The following GABRG3 variants were observed in gnomAD, a reference collection of about 807,000 sequenced individuals.
GABRG3 encodes gamma-aminobutyric acid type A receptor subunit gamma3.
A neutral mutation model predicts 48.8 loss-of-function variants in GABRG3; 25 were observed. That is an observed-to-expected ratio of 0.51 (90% CI 0.37 to 0.72). The LOEUF (loss-of-function observed/expected upper bound fraction) is 0.72. Ranked by LOEUF, GABRG3 falls within the 30% of genes least tolerant of loss-of-function variation. GABRG3 has a pLI of 0.00. For missense variants in GABRG3, 394 were observed against 577.9 expected (o/e 0.68, Z 3.26); for synonymous variants, 227 against 217.6 (o/e 1.04, Z -0.38).
rs112457574 is a variant in GABRG3, at chr15:27,390,442, T to C, written c.574+61554T>C. The stretch of plus-strand genomic sequence containing the variant: ...ATAATTTTTGTCTGTTTTGATGAAA[T>C]ACACAAGAACTTATCAGAATATTAT... On this transcript the variant is annotated intron_variant, in intron 5 of 9. Coordinates refer to ENST00000615808, the MANE Select transcript of GABRG3 (RefSeq NM_033223.5). Among the ~76,000 whole-genome samples the C allele has an allele frequency of 4.2e-3, 634 of 152,310 alleles. 3 individuals are homozygous for C. Among genetic ancestry groups the C allele is most frequent in the African/African-American group, 0.014 (600 of 41,568 alleles).
intron 3 of GABRG3, among the ~76,000 whole-genome samples, chr15:27,201,539 A>T (rs1888683871): frequency 6.6e-6 from 1 of 151,972 alleles, no homozygotes; most frequent in Non-Finnish European, 1.5e-5. Flanking sequence ...TGAGCTGAGG[A>T]GAAGCAGCAG....
intron 5 of GABRG3, among the ~76,000 whole-genome samples, chr15:27,475,555 G>T (rs540379065): frequency 6.6e-6 from 1 of 151,980 alleles, no homozygotes; most frequent in South Asian, 2.1e-4. Flanking sequence ...GATGATGATG[G>T]TATGATGATA....
At chr15:27,101,565 G>A (rs1897357789) in intron 3 of GABRG3, among the ~76,000 whole-genome samples, 1 of 152,184 alleles carries the variant, frequency 6.6e-6, no homozygotes, top group African/African-American at 2.4e-5. Context: ...AATCAAGACA[G>A]TGTGGTATGG....
rs1891502658 is a variant in GABRG3, at chr15:27,534,375, G to C, written c.*1494G>C. Reference sequence around the variant, plus strand: ...TTTTATAATACAAAACCAACTTGCTGCTTGCTGTTAGTTCTTTGTTATAAC... The same window carrying C: ...TTTTATAATACAAAACCAACTTGCTCCTTGCTGTTAGTTCTTTGTTATAAC... On this transcript the variant is annotated 3_prime_UTR_variant, in exon 10 of 10. Transcript: ENST00000615808. 6.6e-6 allele frequency: 1 copy of C among 152,098 alleles called. No individual in the cohort carries two copies. Among genetic ancestry groups the C allele is most frequent in the Non-Finnish European group, 1.5e-5 (1 of 68,020 alleles). The allele number at this position is 152,098 out of a possible 1,614,324, so 9.4% of individuals were successfully genotyped here.
chr15:27,425,541 G>T (rs1473782594), intron 5 of GABRG3, among the ~76,000 whole-genome samples: 1 of 151,936 alleles, frequency 6.6e-6, no homozygotes, highest in African/African-American at 2.4e-5. Context: ...AACCCTGGAG[G>T]CAGAGCTTGC....
intron 3 of GABRG3, among the ~76,000 whole-genome samples, chr15:27,205,990 A>G (rs999014358): frequency 9.2e-5 from 14 of 151,946 alleles, no homozygotes; most frequent in Non-Finnish European, 1.0e-4. Flanking sequence ...TTGTCTGTCA[A>G]TGTTACTTAT....
intron 3 of GABRG3, among the ~76,000 whole-genome samples, chr15:27,282,058 C>T (rs549134845): frequency 1.3e-5 from 2 of 152,252 alleles, no homozygotes; most frequent in Admixed American, 6.5e-5. Flanking sequence ...CCTTTTCCTT[C>T]TGGCCTTCGT....
In GABRG3 at chr15:27,047,753, C is replaced by T. The variant is rs367930064; in HGVS notation, c.270+20932C>T. The stretch of plus-strand genomic sequence containing the variant: ...ATTGTCTTTGCTATTGGGCTGCTGC[C>T]GACTTTGCAGATCTGGGAGAGGCAG... On this transcript the variant is annotated intron_variant, in intron 3 of 9. Coordinates refer to ENST00000615808, the MANE Select transcript of GABRG3 (RefSeq NM_033223.5). Among the ~76,000 whole-genome samples the T allele has an allele frequency of 1.3e-4, 20 of 152,244 alleles. No homozygotes were observed. In the South Asian group the frequency reaches 1.5e-3, roughly 11 times the overall value.
intron 2 of GABRG3, among the ~76,000 whole-genome samples, chr15:27,008,429 A>G (rs544398748): frequency 6.6e-6 from 1 of 152,286 alleles, no homozygotes; most frequent in Middle Eastern, 3.4e-3. Flanking sequence ...TTTCACTCCA[A>G]AAATAGATGA....
chr15:27,331,736 G>A (rs1893809326), intron 5 of GABRG3, among the ~76,000 whole-genome samples: 1 of 152,162 alleles, frequency 6.6e-6, no homozygotes, highest in African/African-American at 2.4e-5. Context: ...GTCAACCTAG[G>A]TTCATTGATG....
intron 3 of GABRG3, among the ~76,000 whole-genome samples, chr15:27,255,207 G>T (rs954683282): frequency 7.2e-5 from 11 of 152,178 alleles, no homozygotes; most frequent in Admixed American, 7.2e-4. Flanking sequence ...GCAAACCTGG[G>T]GTGGCGGGAG....
chr15:27,102,433 G>T (rs1022733772), intron 3 of GABRG3, among the ~76,000 whole-genome samples: 3 of 151,982 alleles, frequency 2.0e-5, no homozygotes, highest in Non-Finnish European at 4.4e-5. Flanking sequence ...TAAATGCCTG[G>T]GCTCCATAAT....
At chr15:26,980,220 G>C (rs1055909538) in intron 2 of GABRG3, among the ~76,000 whole-genome samples, 6 of 151,926 alleles carry the variant, frequency 3.9e-5, no homozygotes, top group Non-Finnish European at 7.4e-5. Flanking sequence ...TGTCAGTCTT[G>C]CTAGAGGTTT....
intron 5 of GABRG3, among the ~76,000 whole-genome samples, chr15:27,387,933 A>G (rs1277130192): frequency 3.1e-5 from 1 of 32,774 alleles, no homozygotes. Flanking sequence ...GGAGGGAGGG[A>G]GGGAAGGAGG....
At chr15:27,322,277 T>A (rs1339514676) in intron 3 of GABRG3, among the ~76,000 whole-genome samples, 1 of 152,174 alleles carries the variant, frequency 6.6e-6, no homozygotes, top group Non-Finnish European at 1.5e-5. Context: ...ATGGCAAGAT[T>A]TCAGAACGAA....
At chr15:27,045,915 C>T (rs903647625) in intron 3 of GABRG3, among the ~76,000 whole-genome samples, 2 of 152,126 alleles carry the variant, frequency 1.3e-5, no homozygotes, top group African/African-American at 4.8e-5. Context: ...CATGGAGAAA[C>T]ACTGGCTCAG....
intron 2 of GABRG3, among the ~76,000 whole-genome samples, chr15:27,023,666 A>G (rs1490044876): frequency 6.6e-6 from 1 of 152,226 alleles, no homozygotes; most frequent in Non-Finnish European, 1.5e-5. Flanking sequence ...GCAAAATAAT[A>G]TTCCATTGTC....
At chr15:27,144,976 T>C (rs369482380) in intron 3 of GABRG3, among the ~76,000 whole-genome samples, 3 of 152,160 alleles carry the variant, frequency 2.0e-5, no homozygotes, top group African/African-American at 7.2e-5. Context: ...GAAAAGCTAT[T>C]AACAAACAAA....
At chr15:27,166,078 C>T (rs208151) in intron 3 of GABRG3, among the ~76,000 whole-genome samples, 7 of 152,042 alleles carry the variant, frequency 4.6e-5, no homozygotes, top group East Asian at 3.9e-4. Flanking sequence ...TTAGGCAATG[C>T]GAAGCTTGCA....
Sources: gnomAD v4.1 joint callset for allele counts (sites outside exome capture counted in the v4.1 genomes callset) on GRCh38, gnomAD v4.1.1 for gene constraint, MANE v1.5 for transcripts, NCBI Gene and HGNC (gene_info 2026-07-23, HGNC 2026-07-21) for gene names.